The following RNF13 variants were observed in gnomAD, a reference collection of about 807,000 sequenced individuals.
RNF13 encodes E3 ubiquitin-protein ligase RNF13.
A neutral mutation model predicts 37.7 loss-of-function variants in RNF13; 19 were observed. That is an observed-to-expected ratio of 0.50 (90% CI 0.35 to 0.74). The LOEUF (loss-of-function observed/expected upper bound fraction) is 0.74, where lower values mean the gene tolerates loss of function less well. Among genes scored for constraint, RNF13 ranks in the 30% least tolerant of loss-of-function variants. The pLI, the probability that RNF13 is intolerant of heterozygous loss-of-function variation, is 0.01. For synonymous variants in RNF13, 144 were observed against 157.8 expected (o/e 0.91, Z 0.65); for missense variants, 375 against 453.0 (o/e 0.83, Z 1.56).
intron 4 of RNF13, among the ~76,000 whole-genome samples, chr3:149,880,960 A>C (rs1013985481): frequency 6.6e-6 from 1 of 152,222 alleles, no homozygotes; most frequent in African/African-American, 2.4e-5. Context: ...GTTTGTATAC[A>C]GCACACAGTC....
chr3:149,955,309 C>G (rs1198441146), intron 8 of RNF13, among the ~76,000 whole-genome samples: 2 of 151,538 alleles, frequency 1.3e-5, no homozygotes, highest in Non-Finnish European at 2.9e-5. Flanking sequence ...TTTACTCTAG[C>G]TATTAAAGAC....
Position 149,912,343 on chromosome 3 carries a change from G to A in RNF13, c.606+260G>A, listed in dbSNP as rs758802230. On this transcript the variant is annotated intron_variant, in intron 7 of 9. Transcript: ENST00000392894. The stretch of plus-strand genomic sequence containing the variant: ...AGGGAACTTTTGGGGGATGACAGTC[G>A]TGTTCTGTATCTTGTTAGAGATGTG... Among the ~76,000 whole-genome samples the A allele has an allele frequency of 7.2e-5, 11 of 152,218 alleles. No homozygotes were observed. In the East Asian group the frequency reaches 7.7e-4, roughly 11 times the overall value.
At chr3:149,934,177 A>C (rs967339057) in intron 8 of RNF13, among the ~76,000 whole-genome samples, 1 of 152,150 alleles carries the variant, frequency 6.6e-6, no homozygotes, top group African/African-American at 2.4e-5. Flanking sequence ...ATAATTATTC[A>C]TAAAATCTCT....
At chr3:149,919,925 A>G (rs1210910218) in intron 7 of RNF13, among the ~76,000 whole-genome samples, 2 of 152,204 alleles carry the variant, frequency 1.3e-5, no homozygotes, top group East Asian at 3.8e-4. Context: ...AGTGTTTTAC[A>G]TTTTAGTCAC....
At chr3:149,819,166 G>A (rs1182167118) in intron 1 of RNF13, among the ~76,000 whole-genome samples, 3 of 152,098 alleles carry the variant, frequency 2.0e-5, no homozygotes, top group Admixed American at 1.3e-4. Context: ...AATATCTCTT[G>A]CACTAATGTT....
intron 3 of RNF13, among the ~76,000 whole-genome samples, chr3:149,861,055 C>T (rs897509621): frequency 6.6e-6 from 1 of 151,820 alleles, no homozygotes; most frequent in Admixed American, 6.6e-5. Context: ...AAAACCACAG[C>T]GAGATAGCAT....
chr3:149,924,416 T>C (rs773625198), intron 8 of RNF13, among the ~76,000 whole-genome samples: 4 of 152,096 alleles, frequency 2.6e-5, no homozygotes, highest in Non-Finnish European at 5.9e-5. Flanking sequence ...AAAGACACCG[T>C]GGGGCATTCC....
intron 4 of RNF13, among the ~76,000 whole-genome samples, chr3:149,886,257 T>C (rs1714020807): frequency 1.3e-5 from 2 of 152,362 alleles, no homozygotes; most frequent in Non-Finnish European, 2.9e-5. Context: ...TTTTTCTCTA[T>C]TTCTGTGAAG....
At chr3:149,839,937 T>A (rs377195069) in intron 1 of RNF13, among the ~76,000 whole-genome samples, 5 of 152,194 alleles carry the variant, frequency 3.3e-5, no homozygotes, top group Non-Finnish European at 5.9e-5. Flanking sequence ...TCTTGTACTG[T>A]CTCTGTTTAT....
At chr3:149,834,702 T>A (rs1277130967) in intron 1 of RNF13, among the ~76,000 whole-genome samples, 1 of 152,238 alleles carries the variant, frequency 6.6e-6, no homozygotes, top group Non-Finnish European at 1.5e-5. Context: ...CACTTGCTGC[T>A]CTTGCTGTGT....
At chr3:149,840,064 A>G (rs1273839083) in intron 1 of RNF13, among the ~76,000 whole-genome samples, 1 of 152,180 alleles carries the variant, frequency 6.6e-6, no homozygotes, top group Non-Finnish European at 1.5e-5. Context: ...TGAGAGCTAA[A>G]GGCTTGTTAG....
At chr3:149,873,446 T>G (rs1712320697) in intron 4 of RNF13, among the ~76,000 whole-genome samples, 1 of 152,202 alleles carries the variant, frequency 6.6e-6, no homozygotes, top group Non-Finnish European at 1.5e-5. Context: ...GTCCCTTTAG[T>G]GGATCCTCAT....
chr3:149,909,277 C>CTT (rs397766921), intron 6 of RNF13, among the ~76,000 whole-genome samples: 11 of 140,092 alleles, frequency 7.9e-5, no homozygotes, highest in East Asian at 2.0e-4. Flanking sequence ...TGCTCAAAAC[C>CTT]TTTTTTTTTT....
intron 8 of RNF13, among the ~76,000 whole-genome samples, chr3:149,936,334 C>T (rs575233785): frequency 6.6e-6 from 1 of 152,054 alleles, no homozygotes; most frequent in Non-Finnish European, 1.5e-5. Flanking sequence ...ACCCCTTGCT[C>T]TTTCTTAACT....
intron 8 of RNF13, chr3:149,939,517 G>T: frequency 1.7e-6 from 1 of 582,424 alleles, no homozygotes; most frequent in South Asian, 1.4e-5. Context: ...CACCAGTGGT[G>T]TTATTTCAAG....
intron 6 of RNF13, among the ~76,000 whole-genome samples, chr3:149,904,053 C>T (rs1408200361): frequency 6.6e-6 from 1 of 152,094 alleles, no homozygotes; most frequent in Non-Finnish European, 1.5e-5. Context: ...CTACCACCTA[C>T]TTTACCCTCA....
intron 8 of RNF13, among the ~76,000 whole-genome samples, chr3:149,934,697 C>G (rs1246650189): frequency 6.6e-6 from 1 of 151,062 alleles, no homozygotes; most frequent in African/African-American, 2.4e-5. Context: ...CTCTTTGGCT[C>G]AAGGCTGGAG....
intron 7 of RNF13, among the ~76,000 whole-genome samples, chr3:149,919,724 A>G (rs186320734): frequency 2.2e-4 from 34 of 152,294 alleles, no homozygotes; most frequent in Non-Finnish European, 5.9e-5. Flanking sequence ...TGTTGTATGG[A>G]AATATGCTTT....
intron 3 of RNF13, among the ~76,000 whole-genome samples, chr3:149,871,002 A>T (rs930763820): frequency 1.3e-5 from 2 of 149,228 alleles, no homozygotes; most frequent in Admixed American, 6.7e-5. Context: ...CAAAAGATAG[A>T]CATTTGATTT....
Sources: gnomAD v4.1 joint callset for allele counts (sites outside exome capture counted in the v4.1 genomes callset) on GRCh38, gnomAD v4.1.1 for gene constraint, MANE v1.5 for transcripts, NCBI Gene and HGNC (gene_info 2026-07-23, HGNC 2026-07-21) for gene names.